Variants in MRPS5 observed in about 807,000 individuals in gnomAD.
MRPS5 encodes mitochondrial ribosomal protein S5.
MRPS5 carries 27 observed loss-of-function variants against 51.9 expected under a neutral mutation model. The observed-to-expected ratio is 0.52, with a 90% CI of 0.38 to 0.72. MRPS5 has a LOEUF of 0.72. MRPS5 is among the 30% of genes least tolerant of loss of function. MRPS5 has a pLI of 0.00. For synonymous variants in MRPS5, 196 were observed against 193.2 expected (o/e 1.01, Z -0.12); for missense variants, 570 against 545.7 (o/e 1.04, Z -0.44).
chr2:95,114,258 C>CTT (rs1232500185), intron 3 of MRPS5, among the ~76,000 whole-genome samples: 1 of 141,358 alleles, frequency 7.1e-6, no homozygotes. Flanking sequence ...ATCCTAATTT[C>CTT]TTTTTTTTTT....
chr2:95,108,847 A>G (rs1324339666), intron 4 of MRPS5, among the ~76,000 whole-genome samples: 1 of 152,212 alleles, frequency 6.6e-6, no homozygotes, highest in Non-Finnish European at 1.5e-5. Context: ...GTAAGACAGC[A>G]TGTACCATGT....
At chr2:95,110,647 C>T (rs576949849) in intron 3 of MRPS5, among the ~76,000 whole-genome samples, 2 of 152,102 alleles carry the variant, frequency 1.3e-5, no homozygotes, top group African/African-American at 4.8e-5. Context: ...ATTAAAACTT[C>T]AAATATTAGC....
intron 3 of MRPS5, among the ~76,000 whole-genome samples, chr2:95,111,801 G>A (rs997880279): frequency 6.6e-6 from 1 of 151,526 alleles, no homozygotes; most frequent in African/African-American, 2.4e-5. Context: ...TTTGTATCCT[G>A]TTTTTTTTAA....
chr2:95,087,692 T>G (rs1209880440), intron 11 of MRPS5, 111 bp from the exon 12 acceptor site: 4 of 863,220 alleles, frequency 4.6e-6, no homozygotes, highest in Non-Finnish European at 7.1e-6. Context: ...CAAAGGCCAT[T>G]TCAGTGGATT....
chr2:95,113,389 T>A (rs1676184867), intron 3 of MRPS5, among the ~76,000 whole-genome samples: 1 of 151,800 alleles, frequency 6.6e-6, no homozygotes, highest in Admixed American at 6.6e-5. Flanking sequence ...GGCAGGAGAA[T>A]CGCTTGAACC....
At position 95,104,625 on chromosome 2, in the gene MRPS5, T is replaced by A; in HGVS notation, c.763+15A>T. On this transcript the variant is annotated intron_variant, in intron 7 of 11. Coordinates refer to ENST00000272418, the MANE Select transcript of MRPS5 (RefSeq NM_031902.5). ...GCACACCACCGCCACTGTGATGCCA[T>A]CACTCCCCATTCACCTGCAGCTCCT... The A allele has an allele frequency of 6.2e-7, 1 of 1,613,580 alleles. No homozygotes were observed. The highest frequency in any genetic ancestry group is 1.3e-5 in the African/African-American group (1 of 75,008).
chr2:95,108,103 C>T, intron 5 of MRPS5, 72 bp downstream of exon 5: 1 of 1,348,154 alleles, frequency 7.4e-7, no homozygotes, highest in Non-Finnish European at 1.1e-6. Context: ...CAAGTAATAA[C>T]ACCATTTCAA....
chr2:95,115,251 G>A, intron 2 of MRPS5, 48 bp from the exon 3 acceptor site: 1 of 1,425,014 alleles, frequency 7.0e-7, no homozygotes, highest in Non-Finnish European at 9.3e-7. Context: ...CACAGCTGTG[G>A]AAAAACACTG....
intron 10 of MRPS5, among the ~76,000 whole-genome samples, chr2:95,099,492 C>CT (rs1365442386): frequency 3.3e-5 from 5 of 151,946 alleles, no homozygotes; most frequent in Admixed American, 3.3e-4. Flanking sequence ...ATTTTATATT[C>CT]TTTTTTTGTA....
chr2:95,090,111 A>G (rs1393504170), intron 11 of MRPS5, among the ~76,000 whole-genome samples: 1 of 134,004 alleles, frequency 7.5e-6, no homozygotes, highest in East Asian at 2.5e-4. Flanking sequence ...CGGGAGGCGG[A>G]GCTTGCAGTG....
rs527656470 is a variant in MRPS5 at position 95,120,704 on chromosome 2, C to T, written c.58+1030G>A. ...TTAAGCAAGTTTCTGAAGCTGTGTG[C>T]CTTAACTCCCTCATCTGTAAAATGG... On this transcript the variant is annotated intron_variant, in intron 1 of 11. Transcript: ENST00000272418. 4.6e-5 allele frequency among the ~76,000 whole-genome samples: 7 copies of T among 152,308 alleles called. No individual in the cohort carries two copies. In the South Asian group the frequency reaches 1.2e-3, roughly 27 times the overall value.
chr2:95,090,154 G>T (rs1373658592), intron 11 of MRPS5, among the ~76,000 whole-genome samples: 2 of 143,924 alleles, frequency 1.4e-5, no homozygotes, highest in Non-Finnish European at 3.0e-5. Context: ...TCCAGCCTGG[G>T]TGACAGAGCG....
chr2:95,113,072 G>A (rs1393877479), intron 3 of MRPS5, among the ~76,000 whole-genome samples: 1 of 152,008 alleles, frequency 6.6e-6, no homozygotes, highest in Non-Finnish European at 1.5e-5. Flanking sequence ...GAACACCAGT[G>A]AATGAAGAGA....
chr2:95,108,855 T>C (rs1227663264), intron 4 of MRPS5, among the ~76,000 whole-genome samples: 1 of 152,192 alleles, frequency 6.6e-6, no homozygotes, highest in Non-Finnish European at 1.5e-5. Flanking sequence ...GCATGTACCA[T>C]GTGATATAAT....
chr2:95,113,176 T>G (rs928233235), intron 3 of MRPS5, among the ~76,000 whole-genome samples: 2 of 151,364 alleles, frequency 1.3e-5, no homozygotes, highest in African/African-American at 4.9e-5. Context: ...GAAAAGGCTA[T>G]TAAAAAATAA....
At chr2:95,121,667 AG>A (rs1377483389) in intron 1 of MRPS5, 66 bp downstream of exon 1, 3 of 1,483,072 alleles carry the variant, frequency 2.0e-6, no homozygotes, top group East Asian at 5.5e-5. Context: ...CGACTTCTGC[AG>A]GCCCCAGGCG....
chr2:95,121,658 G>T, intron 1 of MRPS5, 76 bp downstream of exon 1: 1 of 1,462,414 alleles, frequency 6.8e-7, no homozygotes, highest in South Asian at 1.2e-5. Context: ...CCTCCGCCCC[G>T]ACTTCTGCAG....
intron 4 of MRPS5, among the ~76,000 whole-genome samples, chr2:95,108,623 A>G (rs1440568876): frequency 2.6e-5 from 4 of 152,220 alleles, no homozygotes; most frequent in Non-Finnish European, 4.4e-5. Context: ...TACAAGGCAT[A>G]TGGATGCTTG....
At position 95,088,850 on chromosome 2, in the gene MRPS5, C is replaced by T. The variant is rs1302047876; in HGVS notation, c.1069-1269G>A. 3.3e-5 allele frequency among the ~76,000 whole-genome samples: 5 copies of T among 152,220 alleles called. No homozygotes were observed. In the South Asian group the frequency reaches 6.2e-4, roughly 19 times the overall value. On this transcript the variant is annotated intron_variant, in intron 11 of 11. Coordinates refer to ENST00000272418, the MANE Select transcript of MRPS5 (RefSeq NM_031902.5). ...TTGGGAGGCCAAGGCGGGTGGATCA[C>T]GAGGTCAGGAGTTCAAGACCAGCCT... is the stretch of plus-strand genomic sequence containing the variant.
Sources: allele counts gnomAD v4.1 joint callset (sites outside exome capture counted in the v4.1 genomes callset), GRCh38; gene constraint gnomAD v4.1.1; transcripts MANE v1.5; gene names NCBI Gene and HGNC (gene_info 2026-07-23, HGNC 2026-07-21).